Variants in PLEKHA5 observed in about 807,000 individuals in gnomAD.
PLEKHA5 encodes pleckstrin homology domain-containing family A member 5.
A neutral mutation model predicts 181.9 loss-of-function variants in PLEKHA5; 55 were observed. The observed-to-expected ratio is 0.30, with a 90% confidence interval of 0.24 to 0.38. The LOEUF (loss-of-function observed/expected upper bound fraction) is 0.38. PLEKHA5 is among the 10% of genes least tolerant of loss of function. PLEKHA5 has a pLI of 1.00. For synonymous variants in PLEKHA5, 535 were observed against 529.4 expected (o/e 1.01, Z -0.15); for missense variants, 1,432 against 1,549.5 (o/e 0.92, Z 1.27).
At chr12:19,246,103 C>T (rs1229382285) in intron 3 of PLEKHA5, among the ~76,000 whole-genome samples, 6 of 150,910 alleles carry the variant, frequency 4.0e-5, no homozygotes, top group South Asian at 2.1e-4. Flanking sequence ...CTCAGCTTCC[C>T]GAGTAGCTGG....
chr12:19,334,858 A>C (rs1354183762), intron 20 of PLEKHA5, among the ~76,000 whole-genome samples: 2 of 65,654 alleles, frequency 3.0e-5, no homozygotes, highest in Non-Finnish European at 7.1e-5. Flanking sequence ...ATATATATAT[A>C]TATATATATA....
intron 28 of PLEKHA5, among the ~76,000 whole-genome samples, chr12:19,360,309 A>G (rs1378047858): frequency 6.6e-6 from 1 of 152,010 alleles, no homozygotes; most frequent in Non-Finnish European, 1.5e-5. Flanking sequence ...TTTCAAAAAA[A>G]AAAACAAAAA....
intron 3 of PLEKHA5, 109 bp from the exon 4 acceptor site, chr12:19,253,831 A>C (rs554125949): frequency 1.3e-6 from 1 of 789,176 alleles, no homozygotes; most frequent in African/African-American, 1.8e-5. Flanking sequence ...AAAAACAAAA[A>C]AAAAGGCTGG....
At chr12:19,266,302 T>TAAAAC (rs1326504659) in intron 8 of PLEKHA5, among the ~76,000 whole-genome samples, 64 of 149,172 alleles carry the variant, frequency 4.3e-4, no homozygotes, top group Middle Eastern at 3.4e-3. Flanking sequence ...ACCCTGTCTC[T>TAAAAC]AAAACAAAAC....
intron 3 of PLEKHA5, among the ~76,000 whole-genome samples, chr12:19,180,361 CTATT>C (rs1455329444): frequency 1.3e-5 from 2 of 152,134 alleles, no homozygotes; most frequent in Non-Finnish European, 2.9e-5. Flanking sequence ...GAAAACCCCT[CTATT>C]TAACCCATGA....
At chr12:19,195,672 C>CAAAAAAA (rs3056386) in intron 3 of PLEKHA5, among the ~76,000 whole-genome samples, 1 of 81,606 alleles carries the variant, frequency 1.2e-5, no homozygotes, top group Non-Finnish European at 2.4e-5. Flanking sequence ...GACCCTGTCT[C>CAAAAAAA]AAAAAAAAAA....
chr12:19,142,537 C>G lies in PLEKHA5; in HGVS notation c.227+10087C>G, dbSNP rs577849109. On this transcript the variant is annotated intron_variant, in intron 3 of 31. Transcript: ENST00000429027. ...AATTTTTTCTCTGTGGAAAACACAT[C>G]TGTATTTATTTTGAAAAATCAATTC... 5.9e-5 allele frequency among the ~76,000 whole-genome samples: 9 copies of G among 152,208 alleles called. No individual in the cohort carries two copies. The South Asian group carries it at 1.2e-3, about 21-fold the overall frequency.
chr12:19,348,278 A>T lies in PLEKHA5; in HGVS notation c.2899-121A>T, dbSNP rs543693325. ...TTGTGACATAGGTATTATTTGTGTTATATCCCAGATGGCTCACTAGGGCTA... is the reference window on the plus strand; with the variant it reads ...TTGTGACATAGGTATTATTTGTGTTTTATCCCAGATGGCTCACTAGGGCTA... On this transcript the variant is annotated intron_variant, in intron 24 of 31. Coordinates refer to ENST00000429027, the MANE Select transcript of PLEKHA5 (RefSeq NM_001256470.2). 7.4e-6 allele frequency: 5 copies of T among 679,888 alleles called. No individual in the cohort carries two copies. The African/African-American group carries it at 9.6e-5, about 13-fold the overall frequency. 42.1% of individuals were successfully genotyped at this position (679,888 alleles called of 1,614,324 possible).
intron 15 of PLEKHA5, among the ~76,000 whole-genome samples, chr12:19,313,715 G>C (rs1176062438): frequency 6.6e-6 from 1 of 151,976 alleles, no homozygotes; most frequent in Non-Finnish European, 1.5e-5. Context: ...ACAAACATGT[G>C]TTTCATTATC....
chr12:19,208,928 CAAAAT>C (rs898442750), intron 3 of PLEKHA5, among the ~76,000 whole-genome samples: 2 of 151,662 alleles, frequency 1.3e-5, no homozygotes, highest in Admixed American at 6.6e-5. Flanking sequence ...ATATTTTTCT[CAAAAT>C]AAAGTACTAG....
intron 21 of PLEKHA5, 79 bp downstream of exon 21, chr12:19,336,695 A>G (rs2093452146): frequency 1.3e-6 from 1 of 767,618 alleles, no homozygotes; most frequent in Non-Finnish European, 2.1e-6. Context: ...AGATTTACGC[A>G]TACCCATAAC....
intron 3 of PLEKHA5, among the ~76,000 whole-genome samples, chr12:19,145,594 A>T (rs1010838350): frequency 6.6e-6 from 1 of 152,142 alleles, no homozygotes; most frequent in African/African-American, 2.4e-5. Context: ...GTTAAAGGTC[A>T]ATATCGTTCT....
chr12:19,322,456 T>A, intron 19 of PLEKHA5, 62 bp from the exon 20 acceptor site: 1 of 1,579,170 alleles, frequency 6.3e-7, no homozygotes, highest in Non-Finnish European at 8.7e-7. Flanking sequence ...AGGACACTGA[T>A]AAGTAAAAAG....
chr12:19,228,300 T>G (rs1278297487), intron 3 of PLEKHA5, among the ~76,000 whole-genome samples: 1 of 152,208 alleles, frequency 6.6e-6, no homozygotes, highest in East Asian at 1.9e-4. Context: ...ACTAAGCCAT[T>G]GCATTATACA....
chr12:19,325,130 G>A (rs1485532333), intron 20 of PLEKHA5, among the ~76,000 whole-genome samples: 9 of 152,350 alleles, frequency 5.9e-5, no homozygotes, highest in Middle Eastern at 3.4e-3. Flanking sequence ...GCTGGCTCAC[G>A]CCTGTAATCT....
At chr12:19,248,870 A>G (rs988586293) in intron 3 of PLEKHA5, among the ~76,000 whole-genome samples, 1 of 152,234 alleles carries the variant, frequency 6.6e-6, no homozygotes, top group Non-Finnish European at 1.5e-5. Flanking sequence ...TTGACCAAAT[A>G]CTAATATAAT....
intron 25 of PLEKHA5, among the ~76,000 whole-genome samples, chr12:19,352,540 C>T (rs1163686236): frequency 6.9e-6 from 1 of 144,488 alleles, no homozygotes; most frequent in Admixed American, 7.1e-5. Context: ...AACTTGTTAA[C>T]GATGATGATA....
At chr12:19,209,428 A>C (rs1286394639) in intron 3 of PLEKHA5, among the ~76,000 whole-genome samples, 1 of 152,212 alleles carries the variant, frequency 6.6e-6, no homozygotes, top group Non-Finnish European at 1.5e-5. Flanking sequence ...GACAGTTAAC[A>C]GCAGAAATAG....
At chr12:19,316,905 T>C in intron 16 of PLEKHA5, among the ~76,000 whole-genome samples, 1 of 152,224 alleles carries the variant, frequency 6.6e-6, no homozygotes, top group East Asian at 1.9e-4. Flanking sequence ...ATTAATAAGT[T>C]ATTGATATTT....
Sources: allele counts gnomAD v4.1 joint callset (sites outside exome capture counted in the v4.1 genomes callset), GRCh38; gene constraint gnomAD v4.1.1; transcripts MANE v1.5; gene names NCBI Gene and HGNC (gene_info 2026-07-23, HGNC 2026-07-21).